The following RSRP1 variants were observed in gnomAD, a reference collection of about 807,000 sequenced individuals.
The protein encoded by RSRP1 is arginine and serine rich protein 1.
In RSRP1, 37 loss-of-function variants were observed where a neutral mutation model predicts 33.0. That is an observed-to-expected ratio of 1.12 (90% CI 0.86 to 1.48). The LOEUF is 1.48. Among genes scored for constraint, RSRP1 ranks in the 40% most tolerant of loss-of-function variants. The pLI is 0.00. For synonymous variants in RSRP1, 167 were observed against 158.7 expected (o/e 1.05, Z -0.40); for missense variants, 402 against 385.3 (o/e 1.04, Z -0.36).
At position 25,330,346 on chromosome 1, in the gene RSRP1, A is replaced by G. The variant is rs187340486; in HGVS notation, c.-67+7632T>C. 464 of 133,038 alleles carry G rather than the reference A, an allele frequency of 3.5e-3. 54 individuals carry two copies. Among genetic ancestry groups the G allele is most frequent in the African/African-American group, 0.011 (437 of 39,038 alleles). 8.2% of individuals were successfully genotyped at this position (133,038 alleles called of 1,614,324 possible). A position where few individuals can be genotyped will look rare whatever the true frequency, so the allele number is the denominator to read the frequency against. On this transcript the variant is annotated intron_variant, in intron 1 of 1. Transcript: ENST00000561867. The stretch of plus-strand genomic sequence containing the variant: ...CTATATGTATGGTTGTTACTATGGG[A>G]AATCTTGTTTTGCCAATTTTCTTTG...
Position 25,301,068 on chromosome 1 carries a change from G to A in RSRP1, c.-67+36910C>T, listed in dbSNP as rs114032679. On this transcript the variant is annotated intron_variant, in intron 1 of 1. Coordinates refer to the RSRP1 transcript ENST00000561867. ...CGGAGGATAAAGATCAGACAGCAAC[G>A]ATACCCAGTTTGTCTGCCATGCTGG... The A allele has an allele frequency of 2.6e-3, 3,558 of 1,376,838 alleles. 599 individuals carry two copies. In the African/African-American group the frequency reaches 0.044, roughly 17 times the overall value. The allele number at this position is 1,376,838 out of a possible 1,614,324, so 85.3% of individuals were successfully genotyped here. A position where few individuals can be genotyped will look rare whatever the true frequency, so the allele number is the denominator to read the frequency against.
intron 1 of RSRP1, among the ~76,000 whole-genome samples, chr1:25,298,468 G>A (rs1343489463): frequency 1.6e-5 from 2 of 126,570 alleles, no homozygotes; most frequent in Non-Finnish European, 3.7e-5. Flanking sequence ...AGGAGGGCCC[G>A]GGGGAACCAG....
chr1:25,253,648 C>G (rs151166698), intron 1 of RSRP1: 1,676 of 152,424 alleles, frequency 0.011, 20 homozygotes, highest in Middle Eastern at 0.027. Context: ...GTGTGAGCCA[C>G]GGCGCCCGGC....
intron 1 of RSRP1, among the ~76,000 whole-genome samples, chr1:25,258,637 C>A (rs1640023056): frequency 6.6e-6 from 1 of 152,024 alleles, no homozygotes; most frequent in Admixed American, 6.6e-5. Flanking sequence ...GGTTCAAAAC[C>A]AAAAATTTTT....
In RSRP1 at chr1:25,319,967, C is replaced by T. The variant is rs552361221; in HGVS notation, c.-67+18011G>A. On this transcript the variant is annotated intron_variant, in intron 1 of 1. Transcript: ENST00000561867. ...AGGCTGGAGTGCAATGGCGCTATCT[C>T]GGCTCACTACAACCTCAGCCTCCTG... Among the ~76,000 whole-genome samples the T allele has an allele frequency of 2.3e-5, 3 of 131,194 alleles. 1 individual carries two copies. The highest frequency in any genetic ancestry group is 4.7e-4 in the South Asian group (2 of 4,292). The allele number at this position is 131,194 out of a possible 152,430, so 86.1% of individuals were successfully genotyped here.
chr1:25,257,021 A>T (rs920767122), intron 1 of RSRP1, among the ~76,000 whole-genome samples: 3 of 152,240 alleles, frequency 2.0e-5, no homozygotes, highest in Non-Finnish European at 4.4e-5. Context: ...ACTGGGAGCC[A>T]AAGCCACATG....
upstream of RSRP1, among the ~76,000 whole-genome samples, chr1:25,252,148 C>T (rs1223624793): frequency 6.6e-6 from 1 of 152,130 alleles, no homozygotes; most frequent in East Asian, 1.9e-4. Flanking sequence ...ACTGCAACCT[C>T]CCTCTCCCAG....
At chr1:25,309,981 A>G (rs1327133136) in intron 1 of RSRP1, among the ~76,000 whole-genome samples, 1 of 132,492 alleles carries the variant, frequency 7.5e-6, no homozygotes, top group African/African-American at 2.5e-5. Flanking sequence ...TATTACTTAA[A>G]AAAACCCCAA....
At position 25,299,086 on chromosome 1, in the gene RSRP1, A is replaced by C. The variant is rs1343138156; in HGVS notation, c.-67+38892T>G. On this transcript the variant is annotated intron_variant, in intron 1 of 1. Transcript: ENST00000561867. ...GCACATGGTGATAAAAAAAAAAAAA[A>C]AAAAAAAAAAACAGGCTGGGAGCAG... 6.3e-5 allele frequency among the ~76,000 whole-genome samples: 8 copies of C among 126,516 alleles called. 1 individual carries two copies. Among genetic ancestry groups the C allele is most frequent in the Admixed American group, 7.7e-5 (1 of 13,028 alleles). 83.0% of individuals were successfully genotyped at this position (126,516 alleles called of 152,430 possible). A position where few individuals can be genotyped will look rare whatever the true frequency, so the allele number is the denominator to read the frequency against.
Position 25,306,718 on chromosome 1 carries a change from C to A in RSRP1, c.-67+31260G>T, listed in dbSNP as rs778695625. 2 of 1,377,452 alleles carry A rather than the reference C, an allele frequency of 1.5e-6. 1 individual carries two copies. Among genetic ancestry groups the A allele is most frequent in the Non-Finnish European group, 2.0e-6 (2 of 978,494 alleles). 85.3% of individuals were successfully genotyped at this position (1,377,452 alleles called of 1,614,324 possible). A position where few individuals can be genotyped will look rare whatever the true frequency, so the allele number is the denominator to read the frequency against. Reference sequence around the variant, plus strand: ...TGCTGGTGCTTGATACCGTCGGAGCCGGCAATGGCATGTGGGTCACTGGGC... The same window carrying A: ...TGCTGGTGCTTGATACCGTCGGAGCAGGCAATGGCATGTGGGTCACTGGGC... On this transcript the variant is annotated intron_variant, in intron 1 of 1. Coordinates refer to the RSRP1 transcript ENST00000561867.
chr1:25,298,555 C>T lies in RSRP1; in HGVS notation c.-67+39423G>A, dbSNP rs1886921. Among the ~76,000 whole-genome samples the T allele has an allele frequency of 9.1e-5, 12 of 131,206 alleles. 2 individuals are homozygous for T. The highest frequency in any genetic ancestry group is 2.0e-4 in the East Asian group (1 of 5,098). 86.1% of individuals were successfully genotyped at this position (131,206 alleles called of 152,430 possible). ...AGGCCAAGAATCCCCAAGTGTTCTT[C>T]CTGAACTCCTTCCTGGTGGAGTTCA... On this transcript the variant is annotated intron_variant, in intron 1 of 1. Coordinates refer to the RSRP1 transcript ENST00000561867.
chr1:25,308,964 C>T (rs374258180), intron 1 of RSRP1, among the ~76,000 whole-genome samples: 5 of 131,534 alleles, frequency 3.8e-5, no homozygotes, highest in East Asian at 1.9e-4. Flanking sequence ...GATTTAGCAA[C>T]AGAACATAGC....
intron 1 of RSRP1, among the ~76,000 whole-genome samples, chr1:25,259,929 G>A (rs189643054): frequency 4.6e-5 from 7 of 151,786 alleles, no homozygotes; most frequent in Non-Finnish European, 7.4e-5. Flanking sequence ...ACAAACAGAC[G>A]GACAGCGTGT....
At chr1:25,256,508 G>C (rs1201019863) in intron 1 of RSRP1, among the ~76,000 whole-genome samples, 1 of 152,158 alleles carries the variant, frequency 6.6e-6, no homozygotes, top group Non-Finnish European at 1.5e-5. Flanking sequence ...CCAGGATGGA[G>C]TGCAGTGGTG....
intron 1 of RSRP1, among the ~76,000 whole-genome samples, chr1:25,287,895 G>A (rs1476465899): frequency 7.9e-6 from 1 of 127,042 alleles, no homozygotes; most frequent in Non-Finnish European, 1.9e-5. Context: ...GCTAATTTTT[G>A]TATTTTTAGT....
chr1:25,332,594 C>T (rs2124207490), intron 1 of RSRP1, among the ~76,000 whole-genome samples: 1 of 132,060 alleles, frequency 7.6e-6, no homozygotes, highest in East Asian at 2.0e-4. Flanking sequence ...AATAATCCAA[C>T]CTGCTTGTAA....
chr1:25,272,619 C>T, intron 1 of RSRP1: 1 of 1,578,304 alleles, frequency 6.3e-7, no homozygotes, highest in Non-Finnish European at 8.7e-7. Flanking sequence ...AAGCAGCTCT[C>T]ATTCTCCTCT....
Position 25,300,787 on chromosome 1 carries a change from C to T in RSRP1, c.-67+37191G>A, listed in dbSNP as rs1257167826. On this transcript the variant is annotated intron_variant, in intron 1 of 1. Coordinates refer to the RSRP1 transcript ENST00000561867. ...TCGTGCCATTGCACTCCAGCCTGGG[C>T]AGAGCCTGCTGGGTTGGGCTGGGTA... 3.0e-5 allele frequency among the ~76,000 whole-genome samples: 4 copies of T among 132,256 alleles called. No individual in the cohort carries two copies. The East Asian group carries it at 7.8e-4, about 26-fold the overall frequency. The allele number at this position is 132,256 out of a possible 152,430, so 86.8% of individuals were successfully genotyped here.
chr1:25,293,079 T>A (rs1642649325), intron 1 of RSRP1, among the ~76,000 whole-genome samples: 1 of 130,932 alleles, frequency 7.6e-6, no homozygotes, highest in African/African-American at 2.7e-5. Flanking sequence ...TGCATGGTTG[T>A]AGAGGAGGAT....
Sources: allele counts gnomAD v4.1 joint callset (sites outside exome capture counted in the v4.1 genomes callset), GRCh38; gene constraint gnomAD v4.1.1; transcripts MANE v1.5; gene names NCBI Gene and HGNC (gene_info 2026-07-23, HGNC 2026-07-21).